KMT2C: variants seen among roughly 807,000 people sequenced by gnomAD.
The protein encoded by KMT2C is histone-lysine N-methyltransferase 2C.
A neutral mutation model predicts 507.9 loss-of-function variants in KMT2C; 88 were observed. The ratio of observed to expected loss-of-function variants is 0.17; its 90% CI spans 0.15 to 0.21. The LOEUF (loss-of-function observed/expected upper bound fraction) is 0.21. Among genes scored for constraint, KMT2C ranks in the 10% least tolerant of loss-of-function variants. The probability of loss-of-function intolerance (pLI) is 1.00; values close to 1 mark genes in which losing one functional copy is unlikely to be tolerated. For missense variants in KMT2C, 4,954 were observed against 5,957.8 expected, an observed-to-expected ratio of 0.83 and a Z score of 5.55; for synonymous variants, 2,049 against 2,080.8, an observed-to-expected ratio of 0.98 and a Z score of 0.42.
chr7:152,429,488 C>T (rs939075663), intron 1 of KMT2C, among the ~76,000 whole-genome samples: 4 of 151,962 alleles, frequency 2.6e-5, no homozygotes, highest in Admixed American at 1.3e-4. Context: ...GGGATCAACA[C>T]TTCCAATTAT....
At chr7:152,397,939 G>A (rs1257691015) in intron 1 of KMT2C, among the ~76,000 whole-genome samples, 1 of 152,102 alleles carries the variant, frequency 6.6e-6, no homozygotes, top group Non-Finnish European at 1.5e-5. Context: ...TTTATCAGCA[G>A]TAAACGCACT....
At chr7:152,382,061 C>G (rs1340098602) in intron 1 of KMT2C, among the ~76,000 whole-genome samples, 1 of 152,260 alleles carries the variant, frequency 6.6e-6, no homozygotes, top group Non-Finnish European at 1.5e-5. Context: ...ATTCCTAAAG[C>G]TTGACATTCA....
chr7:152,194,147 A>T lies in KMT2C; in HGVS notation c.4541-19T>A, dbSNP rs2129128922. 1 of 1,566,884 alleles carries T rather than the reference A, an allele frequency of 6.4e-7. No individual in the cohort carries two copies. The highest frequency in any genetic ancestry group is 8.6e-7 in the Non-Finnish European group (1 of 1,165,158). Reference sequence around the variant, plus strand: ...CCAAGCTCTAGGAGATAAAACAATAATAGTAACAAGATTAAAAGACTAGTA... The same window carrying T: ...CCAAGCTCTAGGAGATAAAACAATATTAGTAACAAGATTAAAAGACTAGTA... On this transcript the variant is annotated intron_variant, in intron 30 of 58. Transcript: ENST00000262189.
At chr7:152,196,097 C>T in intron 27 of KMT2C, 86 bp from the exon 28 acceptor site, 1 of 599,236 alleles carries the variant, frequency 1.7e-6, no homozygotes. Flanking sequence ...ACAGCAGATA[C>T]TGAGTGAGGC....
rs2093181940 is a variant in KMT2C at position 152,175,873 on chromosome 7, C to T, written c.9262+318G>A. On this transcript the variant is annotated intron_variant, in intron 38 of 58. Coordinates refer to ENST00000262189, the MANE Select transcript of KMT2C (RefSeq NM_170606.3). ...CTGGCCAACATGGTGAAACCCCGCA[C>T]CTCTACTAAAAATACAAAAATTGGC... 2.6e-5 allele frequency among the ~76,000 whole-genome samples: 4 copies of T among 152,090 alleles called. No homozygotes were observed. In the South Asian group the frequency reaches 8.3e-4, roughly 32 times the overall value.
chr7:152,154,460 A>G lies in KMT2C; in HGVS notation c.11961-15T>C, dbSNP rs745494058. The G allele has an allele frequency of 9.3e-6, 15 of 1,608,928 alleles. No homozygotes were observed. In the Admixed American group the frequency reaches 1.8e-4, roughly 20 times the overall value. On this transcript the variant is annotated splice_polypyrimidine_tract_variant and intron_variant, in intron 46 of 58. Transcript: ENST00000262189. The stretch of plus-strand genomic sequence containing the variant: ...GATCCTGTATCCTGAAAAAACATAA[A>G]CACACACATCAAAGTCTGCAAATCC...
intron 9 of KMT2C, among the ~76,000 whole-genome samples, chr7:152,259,444 GCGCACACA>G (rs1353170948): frequency 1.2e-5 from 1 of 85,370 alleles, no homozygotes; most frequent in African/African-American, 5.7e-5. Flanking sequence ...ACACACACAC[GCGCACACA>G]CACACACACA....
At chr7:152,258,142 G>C (rs1230665653) in intron 9 of KMT2C, among the ~76,000 whole-genome samples, 7 of 152,202 alleles carry the variant, frequency 4.6e-5, no homozygotes, top group African/African-American at 1.7e-4. Context: ...ACTTATTCCA[G>C]GGCTGGGGCA....
At chr7:152,267,165 C>T (rs1187133154) in intron 7 of KMT2C, among the ~76,000 whole-genome samples, 2 of 152,242 alleles carry the variant, frequency 1.3e-5, no homozygotes, top group African/African-American at 4.8e-5. Context: ...TTCCTAATCC[C>T]CCATAGTTTC....
At chr7:152,207,628 A>AT (rs1408777000) in intron 23 of KMT2C, among the ~76,000 whole-genome samples, 200 bp from the exon 24 acceptor site, 1 of 152,142 alleles carries the variant, frequency 6.6e-6, no homozygotes, top group Admixed American at 6.5e-5. Context: ...TTCCCATGAA[A>AT]TAAAACATAA....
intron 23 of KMT2C, among the ~76,000 whole-genome samples, chr7:152,210,937 C>T (rs912106296): frequency 7.2e-5 from 11 of 152,086 alleles, no homozygotes; most frequent in Non-Finnish European, 1.3e-4. Context: ...ATCTGAAAAG[C>T]AGAATTCTGG....
chr7:152,187,541 T>A, intron 32 of KMT2C, 65 bp from the exon 33 acceptor site: 1 of 1,471,674 alleles, frequency 6.8e-7, no homozygotes, highest in Non-Finnish European at 9.4e-7. Flanking sequence ...TGTTCAAGTA[T>A]AGCTTTCATT....
intron 1 of KMT2C, among the ~76,000 whole-genome samples, chr7:152,424,433 G>C (rs903833961): frequency 1.3e-5 from 2 of 151,828 alleles, no homozygotes; most frequent in Admixed American, 1.3e-4. Context: ...TTTTGTGTGT[G>C]AGAGAGAGAA....
At position 152,181,506 on chromosome 7, in the gene KMT2C, C is replaced by A. The variant is rs2129120023; in HGVS notation, c.6354G>T (p.Gln2118His). ...ATGTTGGCCTTGATATGGTTCCAGGCTGGGAAAAAGCCCTTGAAGGATGGG... is the reference window on the plus strand; with the variant it reads ...ATGTTGGCCTTGATATGGTTCCAGGATGGGAAAAAGCCCTTGAAGGATGGG... ...SFAHPSRAFS[Q>H]PGTISRPTSQ... Residue 2118 changes from glutamine to histidine, a missense_variant, in exon 36 of 59, where the codon CAG (glutamine) becomes CAT (histidine). Physicochemically the swap from Gln to His is conservative, Grantham distance 24. This residue lies in a region of KMT2C where 1,689 missense variants were observed against 1,654.3 expected (regional missense o/e 1.02). Coordinates refer to ENST00000262189, the MANE Select transcript of KMT2C (RefSeq NM_170606.3). 6.2e-7 allele frequency: 1 copy of A among 1,613,948 alleles called. No individual in the cohort carries two copies. The highest frequency in any genetic ancestry group is 8.5e-7 in the Non-Finnish European group (1 of 1,179,992).
chr7:152,301,341 A>G (rs180941024), intron 6 of KMT2C, among the ~76,000 whole-genome samples: 7 of 142,326 alleles, frequency 4.9e-5, no homozygotes, highest in African/African-American at 2.0e-4. Flanking sequence ...CATCTCTACT[A>G]AAAAAAAAAT....
intron 53 of KMT2C, among the ~76,000 whole-genome samples, chr7:152,146,288 C>T (rs2091090871): frequency 6.6e-6 from 1 of 152,128 alleles, no homozygotes; most frequent in Non-Finnish European, 1.5e-5. Context: ...TTCAGAAAGG[C>T]AAGGGAAGAG....
In KMT2C at chr7:152,435,763, G is replaced by T; in HGVS notation, c.24C>A (p.Ser8Arg). The T allele has an allele frequency of 6.8e-7, 1 of 1,477,464 alleles. No individual in the cohort carries two copies. Among genetic ancestry groups the T allele is most frequent in the Admixed American group, 2.3e-5 (1 of 43,410 alleles). The allele number at this position is 1,477,464 out of a possible 1,614,324, so 91.5% of individuals were successfully genotyped here. Residue 8 changes from serine to arginine, a missense_variant, in exon 1 of 59, where the codon AGC (serine) becomes AGA (arginine). By Grantham distance (110) the Ser-to-Arg change is moderately radical (BLOSUM62 -1). Coordinates refer to ENST00000262189, the MANE Select transcript of KMT2C (RefSeq NM_170606.3). ...GTGGCGGCGGCTGCGGCTGCTCCAC[G>T]CTCTTGTCCTCCTCCGACGACATCC... is the stretch of plus-strand genomic sequence containing the variant. MSSEEDK[S>R]VEQPQPPPPP...
At chr7:152,424,840 G>A (rs1279668286) in intron 1 of KMT2C, among the ~76,000 whole-genome samples, 1 of 152,088 alleles carries the variant, frequency 6.6e-6, no homozygotes, top group Non-Finnish European at 1.5e-5. Context: ...ATATAGTCCT[G>A]GAATCTCTTC....
chr7:152,194,160 T>C (rs2093894535), intron 30 of KMT2C, 32 bp from the exon 31 acceptor site: 18 of 1,565,622 alleles, frequency 1.1e-5, no homozygotes, highest in Non-Finnish European at 1.5e-5. Context: ...GTAACAAGAT[T>C]AAAAGACTAG....
Sources: allele counts gnomAD v4.1 joint callset (sites outside exome capture counted in the v4.1 genomes callset), GRCh38; gene constraint gnomAD v4.1.1; regional missense constraint gnomAD v4.1.1; transcripts MANE v1.5; gene names NCBI Gene and HGNC (gene_info 2026-07-23, HGNC 2026-07-21).